DPP10: variants seen among roughly 807,000 people sequenced by gnomAD.
DPP10 encodes the protein inactive dipeptidyl peptidase 10.
In DPP10, 33 loss-of-function variants were observed where a neutral mutation model predicts 120.9. The observed-to-expected ratio is 0.27, with a 90% CI of 0.21 to 0.37. The LOEUF (loss-of-function observed/expected upper bound fraction) is 0.37, where lower values mean the gene tolerates loss of function less well. Ranked by LOEUF, DPP10 falls within the 10% of genes least tolerant of loss-of-function variation. The probability of loss-of-function intolerance (pLI) is 1.00; values close to 1 mark genes in which losing one functional copy is unlikely to be tolerated. For synonymous variants in DPP10, 337 were observed against 326.1 expected, an observed-to-expected ratio of 1.03 and a Z score of -0.36; for missense variants, 816 against 942.8, an observed-to-expected ratio of 0.87 and a Z score of 1.76.
At chr2:114,765,199 C>T (rs575651033) in intron 1 of DPP10, among the ~76,000 whole-genome samples, 6 of 152,078 alleles carry the variant, frequency 3.9e-5, no homozygotes, top group South Asian at 2.1e-4. Flanking sequence ...GTACTTTGCA[C>T]GTTTAATCCA....
chr2:115,542,284 A>G (rs1339290988), intron 5 of DPP10, among the ~76,000 whole-genome samples: 3 of 151,882 alleles, frequency 2.0e-5, no homozygotes, highest in Admixed American at 6.6e-5. Context: ...TTCCATTTCT[A>G]TAATTTTGTC....
At chr2:115,185,380 A>G (rs1033863755) in intron 1 of DPP10, among the ~76,000 whole-genome samples, 18 of 152,154 alleles carry the variant, frequency 1.2e-4, no homozygotes, top group African/African-American at 4.1e-4. Context: ...TAAATTTGCA[A>G]CACCCATTAA....
At chr2:114,500,770 A>C (rs946504531) in intron 1 of DPP10, among the ~76,000 whole-genome samples, 10 of 152,234 alleles carry the variant, frequency 6.6e-5, no homozygotes, top group Non-Finnish European at 5.9e-5. Flanking sequence ...ATTGAATCTG[A>C]AACACTGTTG....
intron 1 of DPP10, among the ~76,000 whole-genome samples, chr2:115,083,237 CT>C (rs563244732): frequency 9.9e-5 from 15 of 152,134 alleles, no homozygotes; most frequent in African/African-American, 2.9e-4. Flanking sequence ...ATCTCCTCCA[CT>C]TTTTTTTCTA....
At chr2:115,656,169 C>T (rs1040243905) in intron 5 of DPP10, among the ~76,000 whole-genome samples, 29 of 144,548 alleles carry the variant, frequency 2.0e-4, no homozygotes, top group Non-Finnish European at 4.3e-4. Flanking sequence ...CACACACACA[C>T]ATTTATTACC....
At chr2:115,052,951 C>A (rs373745503) in intron 1 of DPP10, among the ~76,000 whole-genome samples, 193 of 121,908 alleles carry the variant, frequency 1.6e-3, no homozygotes, top group African/African-American at 2.2e-3. Flanking sequence ...GACTCCATCT[C>A]AAAAAAAAAA....
chr2:114,929,449 A>G (rs1341615570), intron 1 of DPP10, among the ~76,000 whole-genome samples: 1 of 152,160 alleles, frequency 6.6e-6, no homozygotes, highest in Non-Finnish European at 1.5e-5. Flanking sequence ...AGACACTCCC[A>G]GAGTGTCCAT....
chr2:115,439,294 A>C (rs960982978), intron 3 of DPP10, among the ~76,000 whole-genome samples: 2 of 152,096 alleles, frequency 1.3e-5, no homozygotes, highest in African/African-American at 4.8e-5. Flanking sequence ...AGTGTGGAAT[A>C]GTGGCTAAGA....
At chr2:115,341,784 T>C (rs1426527207) in intron 2 of DPP10, among the ~76,000 whole-genome samples, 3 of 7,392 alleles carry the variant, frequency 4.1e-4, no homozygotes, top group East Asian at 2.4e-3. Context: ...TGATAGCTCA[T>C]TTTTTTTAGC....
chr2:115,292,876 T>G (rs962765890), intron 1 of DPP10, among the ~76,000 whole-genome samples: 1 of 152,126 alleles, frequency 6.6e-6, no homozygotes, highest in Non-Finnish European at 1.5e-5. Context: ...CCTTGAAATG[T>G]GTCTGTTGTG....
At chr2:114,870,560 G>T (rs1690613668) in intron 1 of DPP10, among the ~76,000 whole-genome samples, 1 of 82,646 alleles carries the variant, frequency 1.2e-5, no homozygotes. Context: ...GGGAACTCTT[G>T]GCTGAAGGAC....
intron 3 of DPP10, among the ~76,000 whole-genome samples, chr2:115,354,132 T>A (rs1318435672): frequency 6.6e-6 from 1 of 152,172 alleles, no homozygotes; most frequent in African/African-American, 2.4e-5. Context: ...AGGACATATT[T>A]TCATTTTTTA....
chr2:115,136,472 C>T (rs543190601), intron 1 of DPP10, among the ~76,000 whole-genome samples: 15 of 152,294 alleles, frequency 9.8e-5, no homozygotes, highest in African/African-American at 3.6e-4. Context: ...AGTCATAATA[C>T]TTCAAAAATT....
intron 1 of DPP10, among the ~76,000 whole-genome samples, chr2:115,230,055 C>T (rs1269867300): frequency 7.9e-5 from 12 of 151,656 alleles, no homozygotes; most frequent in Admixed American, 6.6e-4. Flanking sequence ...CCCATGAACA[C>T]GGAATATCTT....
rs142476831 is a variant in DPP10, at chr2:114,885,806, T to C, written c.61-423433T>C. Among the ~76,000 whole-genome samples, 511 of 152,350 alleles carry C rather than the reference T, an allele frequency of 3.4e-3. 2 individuals carry two copies. Among genetic ancestry groups the C allele is most frequent in the African/African-American group, 0.011 (478 of 41,596 alleles). ...ACGATTTAGCACATGGAATATAGAA[T>C]TGACTTCCTAGTTGCAATCCAAGTT... On this transcript the variant is annotated intron_variant, in intron 1 of 25. Coordinates refer to ENST00000410059, the MANE Select transcript of DPP10 (RefSeq NM_020868.6).
intron 21 of DPP10, among the ~76,000 whole-genome samples, chr2:115,825,217 T>G (rs1440504551): frequency 6.6e-6 from 1 of 152,208 alleles, no homozygotes; most frequent in Middle Eastern, 3.2e-3. Flanking sequence ...CTCAGTGTCT[T>G]TGTTCATGCC....
At chr2:115,619,488 T>G (rs940966317) in intron 5 of DPP10, among the ~76,000 whole-genome samples, 5 of 152,188 alleles carry the variant, frequency 3.3e-5, no homozygotes, top group Non-Finnish European at 7.3e-5. Context: ...GACATTGCCT[T>G]TATTTTAAAT....
intron 21 of DPP10, among the ~76,000 whole-genome samples, chr2:115,819,274 C>A (rs1687572076): frequency 6.6e-6 from 1 of 152,102 alleles, no homozygotes; most frequent in Admixed American, 6.6e-5. Flanking sequence ...CTGAGGTCAC[C>A]TTTAGTACTT....
intron 1 of DPP10, among the ~76,000 whole-genome samples, chr2:114,453,579 C>G (rs1678404060): frequency 6.6e-6 from 1 of 152,128 alleles, no homozygotes; most frequent in Non-Finnish European, 1.5e-5. Context: ...GCGTTGTTCT[C>G]AAACCTTCAT....
Sources: allele counts gnomAD v4.1 joint callset (sites outside exome capture counted in the v4.1 genomes callset), GRCh38; gene constraint gnomAD v4.1.1; transcripts MANE v1.5; gene names NCBI Gene and HGNC (gene_info 2026-07-23, HGNC 2026-07-21).